CCSER1: variants seen among roughly 807,000 people sequenced by gnomAD.
The protein encoded by CCSER1 is serine-rich coiled-coil domain-containing protein 1.
In CCSER1, 41 loss-of-function variants were observed where a neutral mutation model predicts 82.0. That is an observed-to-expected ratio of 0.50 (90% CI 0.39 to 0.65). The LOEUF is 0.65. CCSER1 is among the 30% of genes least tolerant of loss of function. The pLI is 0.00. For synonymous variants in CCSER1, 414 were observed against 383.9 expected (o/e 1.08, Z -0.92); for missense variants, 1,119 against 1,064.2 (o/e 1.05, Z -0.72).
chr4:91,006,577 C>T (rs1304785322), intron 9 of CCSER1, among the ~76,000 whole-genome samples: 1 of 151,602 alleles, frequency 6.6e-6, no homozygotes, highest in East Asian at 1.9e-4. Flanking sequence ...GCAAGCTCTG[C>T]CTCCCAGGTT....
At chr4:90,371,923 G>A (rs1747499923) in intron 3 of CCSER1, among the ~76,000 whole-genome samples, 3 of 152,060 alleles carry the variant, frequency 2.0e-5, no homozygotes, top group Admixed American at 2.0e-4. Context: ...AATAAACTGT[G>A]TACACTAACC....
chr4:91,165,730 G>T (rs187522938), intron 10 of CCSER1, among the ~76,000 whole-genome samples: 1 of 152,210 alleles, frequency 6.6e-6, no homozygotes, highest in Non-Finnish European at 1.5e-5. Context: ...CATGGCACCC[G>T]CCAAACCAGG....
chr4:90,868,137 A>T (rs924696067), intron 8 of CCSER1, among the ~76,000 whole-genome samples: 3 of 152,056 alleles, frequency 2.0e-5, no homozygotes, highest in Non-Finnish European at 4.4e-5. Context: ...GTGTATAATA[A>T]TCACATCATG....
Position 91,319,624 on chromosome 4 carries a change from A to G in CCSER1, c.2217+233630A>G, listed in dbSNP as rs1332607915. On this transcript the variant is annotated intron_variant, in intron 10 of 10. Coordinates refer to ENST00000509176, the MANE Select transcript of CCSER1 (RefSeq NM_001145065.2). ...TTGGTGCAGAATTGCAGTTTTTGAC[A>G]TATTAAAAATATTAACCTACCTAAT... 5.3e-5 allele frequency: 24 copies of G among 454,690 alleles called. No homozygotes were observed. In the East Asian group the frequency reaches 1.6e-3, roughly 30 times the overall value. 28.2% of individuals were successfully genotyped at this position (454,690 alleles called of 1,614,324 possible).
At chr4:91,123,057 G>A (rs1348804932) in intron 10 of CCSER1, among the ~76,000 whole-genome samples, 1 of 151,634 alleles carries the variant, frequency 6.6e-6, no homozygotes, top group Non-Finnish European at 1.5e-5. Context: ...TAAAAATAGA[G>A]TTGGGCCTTT....
In CCSER1 at chr4:90,975,192, A is replaced by G. The variant is rs540685751; in HGVS notation, c.2172+51745A>G. Among the ~76,000 whole-genome samples, 5 of 151,478 alleles carry G rather than the reference A, an allele frequency of 3.3e-5. No homozygotes were observed. The East Asian group carries it at 5.8e-4, about 18-fold the overall frequency. ...TTATGGAGACAGAAAGTATATTTGC[A>G]TTTATCAGGGGTTAAGAGAAGGGAG... On this transcript the variant is annotated intron_variant, in intron 9 of 10. Transcript: ENST00000509176.
intron 9 of CCSER1, among the ~76,000 whole-genome samples, chr4:90,975,464 TAAAA>T (rs954385652): frequency 1.7e-4 from 25 of 151,368 alleles, no homozygotes; most frequent in African/African-American, 6.0e-4. Context: ...TTCTAAATAA[TAAAA>T]GAATGAAAGA....
chr4:90,531,476 G>A (rs530836245), intron 5 of CCSER1, among the ~76,000 whole-genome samples: 3 of 149,766 alleles, frequency 2.0e-5, no homozygotes, highest in Non-Finnish European at 4.4e-5. Context: ...TAGTTTGTGT[G>A]ATTCTGAGCC....
At chr4:91,266,014 A>C (rs1227559089) in intron 10 of CCSER1, among the ~76,000 whole-genome samples, 1 of 152,070 alleles carries the variant, frequency 6.6e-6, no homozygotes, top group East Asian at 1.9e-4. Flanking sequence ...CCCTTGTAAA[A>C]CCATGAGATC....
At chr4:90,663,898 T>C in intron 6 of CCSER1, 1 of 365,812 alleles carries the variant, frequency 2.7e-6, no homozygotes. Context: ...ATTGTATTAT[T>C]TTCTAGTTGT....
chr4:91,443,667 A>T (rs1053489313), intron 10 of CCSER1, among the ~76,000 whole-genome samples: 2 of 149,636 alleles, frequency 1.3e-5, no homozygotes, highest in Non-Finnish European at 3.0e-5. Flanking sequence ...TAATAAAATA[A>T]TAATAAAATA....
At chr4:90,354,632 A>G (rs1442453577) in intron 3 of CCSER1, among the ~76,000 whole-genome samples, 1 of 152,094 alleles carries the variant, frequency 6.6e-6, no homozygotes, top group Admixed American at 6.5e-5. Context: ...TTATACCCCA[A>G]TACATCTGAA....
At chr4:91,258,534 A>G (rs1237006153) in intron 10 of CCSER1, among the ~76,000 whole-genome samples, 1 of 152,102 alleles carries the variant, frequency 6.6e-6, no homozygotes, top group Non-Finnish European at 1.5e-5. Context: ...CACTTTAAAC[A>G]TCAGTTGACT....
At chr4:90,708,230 T>A (rs1398268974) in intron 6 of CCSER1, among the ~76,000 whole-genome samples, 1 of 152,202 alleles carries the variant, frequency 6.6e-6, no homozygotes, top group Non-Finnish European at 1.5e-5. Context: ...AAAGCCTCCA[T>A]AAGCTTCAGA....
intron 9 of CCSER1, among the ~76,000 whole-genome samples, chr4:91,081,908 A>T (rs1009773001): frequency 6.6e-6 from 1 of 152,186 alleles, no homozygotes; most frequent in Non-Finnish European, 1.5e-5. Flanking sequence ...TCAATGAAAC[A>T]AAAGAGAATA....
chr4:91,410,659 G>A (rs985203281), intron 10 of CCSER1, among the ~76,000 whole-genome samples: 1 of 152,020 alleles, frequency 6.6e-6, no homozygotes, highest in Non-Finnish European at 1.5e-5. Flanking sequence ...TATGGCAAAT[G>A]AAATAAAGGA....
At chr4:90,564,007 G>C (rs1427211255) in intron 5 of CCSER1, among the ~76,000 whole-genome samples, 1 of 152,046 alleles carries the variant, frequency 6.6e-6, no homozygotes, top group African/African-American at 2.4e-5. Flanking sequence ...TCTCATTGTG[G>C]TTTTGATTTG....
rs1280026240 is a variant in CCSER1 at position 90,616,683 on chromosome 4, T to TCTCA, written c.1725-11341_1725-11340insTCAC. 1.5e-4 allele frequency among the ~76,000 whole-genome samples: 18 copies of TCTCA among 120,372 alleles called. 1 individual carries two copies. Among genetic ancestry groups the TCTCA allele is most frequent in the South Asian group, 3.1e-4 (1 of 3,230 alleles). 79.0% of individuals were successfully genotyped at this position (120,372 alleles called of 152,430 possible). A position where few individuals can be genotyped will look rare whatever the true frequency, so the allele number is the denominator to read the frequency against. ...CTGGGCCACAGAGTGTGGCTCTGTC[T>TCTCA]CACACACACACACACACACACACAC... On this transcript the variant is annotated intron_variant, in intron 5 of 10. Transcript: ENST00000509176.
chr4:91,338,550 A>T (rs189858570), intron 10 of CCSER1, among the ~76,000 whole-genome samples: 4 of 152,308 alleles, frequency 2.6e-5, no homozygotes, highest in Admixed American at 2.6e-4. Context: ...CAAACATTAT[A>T]ATGCATAGAT....
Sources: allele counts gnomAD v4.1 joint callset (sites outside exome capture counted in the v4.1 genomes callset), GRCh38; gene constraint gnomAD v4.1.1; transcripts MANE v1.5; gene names NCBI Gene and HGNC (gene_info 2026-07-23, HGNC 2026-07-21).